Variants in KAZN observed in about 807,000 individuals in gnomAD.
KAZN encodes the protein kazrin, periplakin interacting protein.
KAZN carries 40 observed loss-of-function variants against 87.4 expected under a neutral mutation model. That is an observed-to-expected ratio of 0.46 (90% CI 0.36 to 0.60). The LOEUF is 0.60. Ranked by LOEUF, KAZN falls within the 20% of genes least tolerant of loss-of-function variation. KAZN has a pLI of 0.00. For missense variants in KAZN, 898 were observed against 1,073.9 expected, an observed-to-expected ratio of 0.84 and a Z score of 2.29; for synonymous variants, 466 against 458.3, an observed-to-expected ratio of 1.02 and a Z score of -0.22.
chr1:14,888,226 C>G (rs1156991635), intron 1 of KAZN, among the ~76,000 whole-genome samples: 1 of 152,238 alleles, frequency 6.6e-6, no homozygotes, highest in African/African-American at 2.4e-5. Context: ...GGCCTCTGCC[C>G]AGCCCGGCCT....
intron 1 of KAZN, among the ~76,000 whole-genome samples, chr1:14,692,793 C>A (rs761392661): frequency 2.0e-5 from 3 of 152,120 alleles, no homozygotes; most frequent in Non-Finnish European, 2.9e-5. Flanking sequence ...ATTAGCCAGG[C>A]GTAGTGGCAC....
At chr1:15,064,335 C>T (rs1348697793) in intron 7 of KAZN, among the ~76,000 whole-genome samples, 1 of 152,136 alleles carries the variant, frequency 6.6e-6, no homozygotes, top group African/African-American at 2.4e-5. Context: ...GCCATTTGCC[C>T]TAGAGATTCT....
At chr1:15,052,205 G>A (rs1374870910) in intron 4 of KAZN, among the ~76,000 whole-genome samples, 4 of 151,956 alleles carry the variant, frequency 2.6e-5, no homozygotes, top group Admixed American at 2.6e-4. Flanking sequence ...AGACATACCC[G>A]AGACTGGGTA....
chr1:14,696,030 T>C (rs1249296466), intron 1 of KAZN, among the ~76,000 whole-genome samples: 1 of 152,214 alleles, frequency 6.6e-6, no homozygotes, highest in Non-Finnish European at 1.5e-5. Context: ...TTAGCTACTA[T>C]ATTAATTTTG....
intron 2 of KAZN, among the ~76,000 whole-genome samples, chr1:14,321,918 A>C (rs977983985): frequency 1.3e-5 from 2 of 152,218 alleles, no homozygotes; most frequent in Non-Finnish European, 2.9e-5. Flanking sequence ...CCCTAGGGAA[A>C]TGAACTCTCA....
chr1:15,094,467 C>A lies in KAZN; in HGVS notation c.1428+82C>A. ...TACCCAGAAGCTGGCCTGCCCCCCA[C>A]TCCTACCCTGGAGTCAGGAGAAGGT... On this transcript the variant is annotated intron_variant, in intron 9 of 14. Transcript: ENST00000376030. This position sits in a 1 kb window ranked among gnomAD's most constrained non-coding sequence, Gnocchi z 4.5. The A allele has an allele frequency of 7.6e-7, 1 of 1,312,058 alleles. No homozygotes were observed. Among genetic ancestry groups the A allele is most frequent in the South Asian group, 1.4e-5 (1 of 73,364 alleles). The allele number at this position is 1,312,058 out of a possible 1,614,324, so 81.3% of individuals were successfully genotyped here.
At chr1:14,169,115 G>C (rs746636211) in intron 1 of KAZN, among the ~76,000 whole-genome samples, 1 of 152,124 alleles carries the variant, frequency 6.6e-6, no homozygotes, top group African/African-American at 2.4e-5. Context: ...ACTCGGTATA[G>C]GTAACAGAAA....
intron 2 of KAZN, among the ~76,000 whole-genome samples, chr1:14,419,565 C>A (rs927349592): frequency 6.6e-6 from 1 of 152,210 alleles, no homozygotes. Context: ...TCACTGACTT[C>A]AAGAACGAAG....
At chr1:14,190,667 G>A (rs1646403856) in intron 2 of KAZN, among the ~76,000 whole-genome samples, 1 of 152,104 alleles carries the variant, frequency 6.6e-6, no homozygotes, top group African/African-American at 2.4e-5. Context: ...TTGAAATTCT[G>A]TCTACCATGA....
intron 1 of KAZN, among the ~76,000 whole-genome samples, chr1:14,107,437 G>A (rs1047209398): frequency 6.6e-6 from 1 of 152,046 alleles, no homozygotes; most frequent in Non-Finnish European, 1.5e-5. Context: ...TTTATTGCAG[G>A]AAGACCTAAT....
At chr1:14,828,121 A>C (rs1646950743) in intron 1 of KAZN, among the ~76,000 whole-genome samples, 1 of 152,222 alleles carries the variant, frequency 6.6e-6, no homozygotes, top group Admixed American at 6.5e-5. Context: ...ATCCCTTGGC[A>C]TACACAATCA....
At chr1:14,969,579 C>T (rs914529226) in intron 2 of KAZN, among the ~76,000 whole-genome samples, 33 of 152,196 alleles carry the variant, frequency 2.2e-4, no homozygotes, top group African/African-American at 7.7e-4. Context: ...TACATACTAC[C>T]GGCTGCTTTT....
chr1:15,061,425 C>T (rs758411970), intron 6 of KAZN: 8 of 152,302 alleles, frequency 5.3e-5, no homozygotes, highest in Middle Eastern at 3.4e-3. Flanking sequence ...ATTGCTGGCC[C>T]GGGGACTTTA....
chr1:14,260,641 G>A (rs564699655), intron 2 of KAZN, among the ~76,000 whole-genome samples: 23 of 152,304 alleles, frequency 1.5e-4, no homozygotes, highest in South Asian at 6.2e-4. Flanking sequence ...CCACAAAGTC[G>A]TGAGTAAAGG....
At chr1:14,265,243 G>A (rs1259718739) in intron 2 of KAZN, among the ~76,000 whole-genome samples, 1 of 152,142 alleles carries the variant, frequency 6.6e-6, no homozygotes, top group South Asian at 2.1e-4. Flanking sequence ...GATCTGTCAG[G>A]CCTCCTTGTA....
At chr1:14,463,374 G>A (rs561095261) in intron 2 of KAZN, among the ~76,000 whole-genome samples, 1 of 152,260 alleles carries the variant, frequency 6.6e-6, no homozygotes, top group South Asian at 2.1e-4. Flanking sequence ...CAGAAAACAA[G>A]TCCTGTGGGT....
intron 2 of KAZN, among the ~76,000 whole-genome samples, chr1:14,299,508 A>G (rs1290860835): frequency 6.6e-6 from 1 of 152,000 alleles, no homozygotes; most frequent in Non-Finnish European, 1.5e-5. Flanking sequence ...CTGTCTCAAA[A>G]AAAGAAAAGA....
chr1:14,122,702 A>T (rs1045964579), intron 1 of KAZN, among the ~76,000 whole-genome samples: 3 of 152,188 alleles, frequency 2.0e-5, no homozygotes, highest in African/African-American at 7.2e-5. Context: ...CATGTAGTCT[A>T]TTGCTTTTAG....
chr1:14,677,226 C>T (rs987323908), intron 1 of KAZN, among the ~76,000 whole-genome samples: 17 of 152,120 alleles, frequency 1.1e-4, no homozygotes, highest in African/African-American at 2.9e-4. Flanking sequence ...CTGCCTGGAC[C>T]GCAAAGCCTA....
Sources: gnomAD v4.1 joint callset for allele counts (sites outside exome capture counted in the v4.1 genomes callset) on GRCh38, gnomAD v4.1.1 for gene constraint, Gnocchi (gnomAD v3.1) non-coding constraint, MANE v1.5 for transcripts, NCBI Gene and HGNC (gene_info 2026-07-23, HGNC 2026-07-21) for gene names.